The following CLEC16A variants were observed in gnomAD, a reference collection of about 807,000 sequenced individuals.
CLEC16A encodes C-type lectin domain containing 16A.
In CLEC16A, 51 loss-of-function variants were observed where a neutral mutation model predicts 109.5. That is an observed-to-expected ratio of 0.47 (90% confidence interval 0.37 to 0.59). The LOEUF (loss-of-function observed/expected upper bound fraction) is 0.59, where lower values mean the gene tolerates loss of function less well. CLEC16A is among the 20% of genes least tolerant of loss of function. The pLI is 0.00. For synonymous variants in CLEC16A, 673 were observed against 564.2 expected, an observed-to-expected ratio of 1.19 and a Z score of -2.73; for missense variants, 1,339 against 1,394.0, an observed-to-expected ratio of 0.96 and a Z score of 0.63.
At chr16:10,999,842 T>C (rs761003417) in intron 10 of CLEC16A, among the ~76,000 whole-genome samples, 3 of 152,210 alleles carry the variant, frequency 2.0e-5, no homozygotes, top group Non-Finnish European at 4.4e-5. Context: ...TATTACTTAT[T>C]TATTTATTTT....
chr16:11,122,636 C>T (rs2052508607), intron 20 of CLEC16A, among the ~76,000 whole-genome samples: 1 of 152,192 alleles, frequency 6.6e-6, no homozygotes. Context: ...TGCCTGAGAA[C>T]CACAACCATC....
chr16:11,140,353 A>G (rs1463124551), intron 22 of CLEC16A, among the ~76,000 whole-genome samples: 1 of 152,080 alleles, frequency 6.6e-6, no homozygotes, highest in Admixed American at 6.5e-5. Flanking sequence ...AACCCCCACC[A>G]CCGCTCTTAG....
rs763394459 is a variant in CLEC16A at position 10,971,140 on chromosome 16, G to T, written c.508G>T (p.Ala170Ser). ...TTTGTTTTAGCACACCAATGACTTT[G>T]CCCTGTACACAGAAGCCATCAAGTT... The part of the protein sequence containing the change: ...FFYNEHTNDF[A>S]LYTEAIKFFN... The change falls in exon 5 of 24, where the codon GCC becomes TCC. Residue 170 changes from alanine (A) to serine (S), a missense_variant. By Grantham distance (99) the Ala-to-Ser change is moderately conservative. Coordinates refer to ENST00000409790, the MANE Select transcript of CLEC16A (RefSeq NM_015226.3). 1.2e-6 allele frequency: 2 copies of T among 1,610,790 alleles called. No homozygotes were observed. Among genetic ancestry groups the T allele is most frequent in the South Asian group, 1.1e-5 (1 of 91,022 alleles).
intron 12 of CLEC16A, among the ~76,000 whole-genome samples, chr16:11,023,634 A>G (rs76212701): frequency 0.2 from 29,535 of 151,072 alleles, 3,606 homozygotes; most frequent in African/African-American, 0.35. Context: ...GCATTTTTCA[A>G]TGAAATATTT....
chr16:11,132,169 G>T (rs913202931), intron 22 of CLEC16A, among the ~76,000 whole-genome samples: 1 of 151,788 alleles, frequency 6.6e-6, no homozygotes, highest in Admixed American at 6.6e-5. Flanking sequence ...CTCTCCTCTA[G>T]TTCCAAAACA....
At chr16:11,116,827 TATTGGGGTG>T (rs2052027673) in intron 19 of CLEC16A, among the ~76,000 whole-genome samples, 1 of 152,216 alleles carries the variant, frequency 6.6e-6, no homozygotes, top group Non-Finnish European at 1.5e-5. Context: ...CAACAGAACC[TATTGGGGTG>T]ATGGAAGTAT....
intron 19 of CLEC16A, among the ~76,000 whole-genome samples, chr16:11,119,347 C>T (rs931096917): frequency 5.3e-5 from 8 of 152,166 alleles, no homozygotes; most frequent in African/African-American, 1.9e-4. Flanking sequence ...TTGGTTATTA[C>T]AGCCTTGTAA....
intron 22 of CLEC16A, among the ~76,000 whole-genome samples, chr16:11,142,260 C>T (rs1475843425): frequency 6.6e-6 from 1 of 152,224 alleles, no homozygotes; most frequent in Non-Finnish European, 1.5e-5. Flanking sequence ...GGATCCTCCT[C>T]AGGGCCCGGG....
At chr16:10,981,533 A>G (rs2146684622) in intron 9 of CLEC16A, among the ~76,000 whole-genome samples, 1 of 152,340 alleles carries the variant, frequency 6.6e-6, no homozygotes, top group East Asian at 1.9e-4. Flanking sequence ...TTAGAATAAT[A>G]TATTCCCCTT....
At chr16:11,096,050 A>G (rs1021546024) in intron 19 of CLEC16A, among the ~76,000 whole-genome samples, 8 of 152,034 alleles carry the variant, frequency 5.3e-5, no homozygotes, top group African/African-American at 1.9e-4. Context: ...AAACAAAACT[A>G]AGGCCAGATA....
intron 13 of CLEC16A, among the ~76,000 whole-genome samples, chr16:11,033,964 A>G (rs2046885826): frequency 6.6e-6 from 1 of 152,152 alleles, no homozygotes; most frequent in African/African-American, 2.4e-5. Flanking sequence ...CAGCTTTTGT[A>G]TCTTGAAGGT....
At chr16:10,975,117 C>T (rs1210371269) in intron 7 of CLEC16A, among the ~76,000 whole-genome samples, 1 of 152,098 alleles carries the variant, frequency 6.6e-6, no homozygotes. Context: ...CTGAGGCGGG[C>T]AGATCACTTG....
chr16:11,146,503 TAGAG>T (rs1672195080), intron 22 of CLEC16A, among the ~76,000 whole-genome samples: 1 of 143,004 alleles, frequency 7.0e-6, no homozygotes, highest in Non-Finnish European at 1.5e-5. Context: ...TGAATGGATG[TAGAG>T]GGAGGGAGGG....
chr16:11,064,473 C>T (rs775146766), intron 19 of CLEC16A, among the ~76,000 whole-genome samples: 5 of 152,186 alleles, frequency 3.3e-5, no homozygotes, highest in Non-Finnish European at 5.9e-5. Flanking sequence ...GCTCAGTAGC[C>T]TTACCTTTGA....
In CLEC16A at chr16:11,177,927, C is replaced by G. The variant is rs180835020; in HGVS notation, c.2807-408C>G. On this transcript the variant is annotated intron_variant, in intron 23 of 23. Coordinates refer to ENST00000409790, the MANE Select transcript of CLEC16A (RefSeq NM_015226.3). ...ATCAAATGTATACTCTGGAAATGGC[C>G]TGATATTACGAGCACACCCAAGCCC... Among the ~76,000 whole-genome samples, 113 of 151,736 alleles carry G rather than the reference C, an allele frequency of 7.4e-4. No homozygotes were observed. The East Asian group carries it at 8.1e-3, about 11-fold the overall frequency.
intron 19 of CLEC16A, among the ~76,000 whole-genome samples, chr16:11,089,245 A>T (rs917879172): frequency 6.6e-6 from 1 of 152,182 alleles, no homozygotes; most frequent in African/African-American, 2.4e-5. Context: ...GACCATGGAC[A>T]TCTTGTTCTG....
At chr16:10,945,768 C>G (rs965211806) in intron 1 of CLEC16A, among the ~76,000 whole-genome samples, 4 of 152,300 alleles carry the variant, frequency 2.6e-5, no homozygotes, top group Admixed American at 2.0e-4. Flanking sequence ...CCCTACCTAA[C>G]GTGCTCCCCC....
In CLEC16A at chr16:11,120,757, C is replaced by T. The variant is rs769178966; in HGVS notation, c.2259C>T (p.Gly753=). 19 of 1,545,526 alleles carry T rather than the reference C, an allele frequency of 1.2e-5. 1 individual carries two copies. In the African/African-American group the frequency reaches 1.4e-4, roughly 11 times the overall value. Residue 753 remains glycine (G), a synonymous_variant, in exon 20 of 24, where the codon GGC becomes GGT. Transcript: ENST00000409790. ...RLGWGVVKFA[G]LLQDMQVTGV... ...GCTGGGGAGTGGTCAAGTTTGCAGG[C>T]CTATTGCAGGTAAGATGGCCAGGAG... is the stretch of plus-strand genomic sequence containing the variant.
At chr16:11,119,633 C>T (rs535055118) in intron 19 of CLEC16A, among the ~76,000 whole-genome samples, 3 of 152,224 alleles carry the variant, frequency 2.0e-5, no homozygotes, top group Admixed American at 6.5e-5. Flanking sequence ...CTGAAGCGAT[C>T]CTCCCTCCTC....
Sources: allele counts gnomAD v4.1 joint callset (sites outside exome capture counted in the v4.1 genomes callset), GRCh38; gene constraint gnomAD v4.1.1; transcripts MANE v1.5; gene names NCBI Gene and HGNC (gene_info 2026-07-23, HGNC 2026-07-21).